Variants in OTUD7B observed in about 807,000 individuals in gnomAD.
The protein encoded by OTUD7B is OTU domain-containing protein 7B.
OTUD7B carries 34 observed loss-of-function variants against 82.2 expected under a neutral mutation model. The ratio of observed to expected loss-of-function variants is 0.41; its 90% CI spans 0.31 to 0.55. The LOEUF (loss-of-function observed/expected upper bound fraction) is 0.55. OTUD7B is among the 20% of genes least tolerant of loss of function. The pLI, the probability that OTUD7B is intolerant of heterozygous loss-of-function variation, is 0.20. For synonymous variants in OTUD7B, 398 were observed against 402.7 expected (o/e 0.99, Z 0.14); for missense variants, 944 against 1,062.1 (o/e 0.89, Z 1.55).
chr1:150,032,860 C>A, the OTUD7B span, among the ~76,000 whole-genome samples: 1 of 152,118 alleles, frequency 6.6e-6, no homozygotes, highest in Non-Finnish European at 1.5e-5. Flanking sequence ...TAAATTAATG[C>A]CTCCACGTGG....
rs1296913338 is a variant in OTUD7B, at chr1:149,938,483, A to AAAAAAAAAAAAAAAAAAAAAAG, written c.*5373_*5374insCTTTTTTTTTTTTTTTTTTTTT. ...CGCAAAAAAAAAAAAAAAAAAAAAG[A>AAAAAAAAAAAAAAAAAAAAAAG]CATAGGAAGAGGTGTGTACCATAAC... On this transcript the variant is annotated 3_prime_UTR_variant, in exon 12 of 12. Transcript: ENST00000581312. The AAAAAAAAAAAAAAAAAAAAAAG allele has an allele frequency of 2.4e-5, 2 of 82,914 alleles. 1 individual carries two copies. The highest frequency in any genetic ancestry group is 4.2e-5 in the Non-Finnish European group (2 of 47,568). 5.1% of individuals were successfully genotyped at this position (82,914 alleles called of 1,614,324 possible).
chr1:150,014,058 A>ATG (rs782449466), upstream of OTUD7B, among the ~76,000 whole-genome samples: 12,379 of 87,188 alleles, frequency 0.14, 1,039 homozygotes, highest in Admixed American at 0.18. Context: ...GTGTATATAT[A>ATG]TGTGTGTGTG....
chr1:150,059,059 T>C, the OTUD7B span, among the ~76,000 whole-genome samples: 2 of 148,638 alleles, frequency 1.3e-5, no homozygotes, highest in African/African-American at 4.9e-5. Context: ...TTTTCTTTTT[T>C]TTTTTTTTTT....
chr1:150,065,551 T>G, the OTUD7B span, among the ~76,000 whole-genome samples: 1 of 152,248 alleles, frequency 6.6e-6, no homozygotes, highest in Non-Finnish European at 1.5e-5. Flanking sequence ...TTCTTGTTAT[T>G]ATAGTTTACT....
At position 149,946,563 on chromosome 1, in the gene OTUD7B, G is replaced by A. The variant is rs1403934732; in HGVS notation, c.1323+688C>T. On this transcript the variant is annotated intron_variant, in intron 11 of 11. Coordinates refer to ENST00000581312, the MANE Select transcript of OTUD7B (RefSeq NM_020205.4). ...TCGAGACTAGCCTGGCCAACGTGGT[G>A]AAACTCCGTCTCTACTAAAAATACA... Among the ~76,000 whole-genome samples, 60 of 151,474 alleles carry A rather than the reference G, an allele frequency of 4.0e-4. 1 individual carries two copies. Among genetic ancestry groups the A allele is most frequent in the Admixed American group, 4.0e-3 (60 of 15,174 alleles).
intron 1 of OTUD7B, among the ~76,000 whole-genome samples, chr1:150,008,342 T>G (rs1652801080): frequency 6.6e-6 from 1 of 152,086 alleles, no homozygotes; most frequent in Admixed American, 6.5e-5. Flanking sequence ...CTGGGAAAGG[T>G]GTATGTGGTT....
At chr1:150,019,258 C>A in the OTUD7B span, among the ~76,000 whole-genome samples, 4 of 152,220 alleles carry the variant, frequency 2.6e-5, no homozygotes, top group Non-Finnish European at 5.9e-5. Context: ...CTGTCTCTTG[C>A]CTTTCCTGTC....
At chr1:149,974,497 A>C (rs1553778201) in intron 2 of OTUD7B, among the ~76,000 whole-genome samples, 1 of 150,662 alleles carries the variant, frequency 6.6e-6, no homozygotes, top group Admixed American at 6.6e-5. Flanking sequence ...ATGGCCTACA[A>C]AGGCCCTACA....
intron 8 of OTUD7B, 43 bp downstream of exon 8, chr1:149,950,051 A>AG: frequency 6.2e-7 from 1 of 1,610,404 alleles, no homozygotes; most frequent in South Asian, 1.1e-5. Context: ...GCTTTGCAAA[A>AG]GGGGGTGCTC....
chr1:149,995,197 T>C (rs1294263727), intron 1 of OTUD7B, among the ~76,000 whole-genome samples: 1 of 152,200 alleles, frequency 6.6e-6, no homozygotes, highest in African/African-American at 2.4e-5. Context: ...TCCACATAAA[T>C]CATCTCGCTA....
chr1:150,055,470 T>C, the OTUD7B span, among the ~76,000 whole-genome samples: 2 of 152,130 alleles, frequency 1.3e-5, no homozygotes, highest in African/African-American at 2.4e-5. Context: ...GTTCAACCAT[T>C]GTGGAAAGCA....
the OTUD7B span, among the ~76,000 whole-genome samples, chr1:150,045,116 G>GA: frequency 7.1e-6 from 1 of 141,718 alleles, no homozygotes; most frequent in Non-Finnish European, 1.5e-5. Flanking sequence ...TTTTGAGATG[G>GA]AATCTTGCTC....
chr1:150,001,026 G>A (rs1553784644), intron 1 of OTUD7B, among the ~76,000 whole-genome samples: 2 of 152,062 alleles, frequency 1.3e-5, no homozygotes, highest in South Asian at 2.1e-4. Context: ...ATGTGGCGGG[G>A]CAGAGGAAGT....
At chr1:149,956,873 T>TACCA (rs1648723203) in intron 7 of OTUD7B, among the ~76,000 whole-genome samples, 1 of 152,244 alleles carries the variant, frequency 6.6e-6, no homozygotes, top group Non-Finnish European at 1.5e-5. Context: ...ATGCCATGGT[T>TACCA]TTCAGCTCCA....
intron 1 of OTUD7B, among the ~76,000 whole-genome samples, chr1:150,000,981 AAATAAATAAAT>A (rs1471012945): frequency 2.6e-5 from 4 of 152,128 alleles, no homozygotes; most frequent in South Asian, 2.1e-4. Context: ...TCCATCTCAA[AAATAAATAAAT>A]AATAAATAAA....
chr1:149,994,655 G>C (rs1405378009), intron 1 of OTUD7B, among the ~76,000 whole-genome samples: 10 of 150,210 alleles, frequency 6.7e-5, no homozygotes, highest in African/African-American at 2.2e-4. Context: ...CTATTAACCA[G>C]GCTGGAGCGC....
chr1:149,986,742 A>T (rs1651170834), intron 1 of OTUD7B, among the ~76,000 whole-genome samples: 1 of 152,246 alleles, frequency 6.6e-6, no homozygotes, highest in African/African-American at 2.4e-5. Context: ...GAATCCAGAC[A>T]GAGAGAAAGA....
At chr1:150,013,995 TAC>T (rs1260199281), upstream of OTUD7B, among the ~76,000 whole-genome samples, 2 of 127,084 alleles carry the variant, frequency 1.6e-5, no homozygotes, top group African/African-American at 5.6e-5. Context: ...CACACATATA[TAC>T]ACACATATAT....
the OTUD7B span, among the ~76,000 whole-genome samples, chr1:150,060,422 A>G: frequency 6.6e-6 from 1 of 152,340 alleles, no homozygotes; most frequent in South Asian, 2.1e-4. Context: ...GTGAAGACAC[A>G]GGAGAAGACA....
Sources: gnomAD v4.1 joint callset for allele counts (sites outside exome capture counted in the v4.1 genomes callset) on GRCh38, gnomAD v4.1.1 for gene constraint, MANE v1.5 for transcripts, NCBI Gene and HGNC (gene_info 2026-07-23, HGNC 2026-07-21) for gene names.